The following TNNT3 variants were observed in gnomAD, a reference collection of about 807,000 sequenced individuals.
The protein encoded by TNNT3 is troponin T3, fast skeletal type.
In TNNT3, 36 loss-of-function variants were observed where a neutral mutation model predicts 54.2. The observed-to-expected ratio is 0.66, with a 90% CI of 0.51 to 0.88. The LOEUF is 0.88. Among genes scored for constraint, TNNT3 ranks in the 40% least tolerant of loss-of-function variants. TNNT3 has a pLI of 0.00. For synonymous variants in TNNT3, 120 were observed against 109.7 expected, an observed-to-expected ratio of 1.09 and a Z score of -0.59; for missense variants, 291 against 331.6, an observed-to-expected ratio of 0.88 and a Z score of 0.95.
At chr11:1,938,221 C>T (rs1382296073) in intron 15 of TNNT3, 8 of 601,498 alleles carry the variant, frequency 1.3e-5, no homozygotes, top group South Asian at 9.5e-5. Context: ...CCCGGGCTCA[C>T]GTGCCAGCCC....
chr11:1,920,742 C>G (rs901433676), intron 1 of TNNT3, among the ~76,000 whole-genome samples: 1 of 152,162 alleles, frequency 6.6e-6, no homozygotes, highest in African/African-American at 2.4e-5. Context: ...TTTCACGCAG[C>G]CCCTCCAAGG....
intron 6 of TNNT3, chr11:1,927,823 A>C (rs1852054889): frequency 6.6e-6 from 1 of 152,324 alleles, no homozygotes; most frequent in Non-Finnish European, 1.5e-5. Flanking sequence ...CAGCAAAACC[A>C]CTAAGTCAGG....
At chr11:1,929,293 G>C in intron 7 of TNNT3, 150 bp downstream of exon 7, 3 of 1,072,688 alleles carry the variant, frequency 2.8e-6, no homozygotes, top group South Asian at 1.3e-5. Context: ...GGAGGGCCAG[G>C]CCTTGCTGCT....
intron 4 of TNNT3, chr11:1,924,862 C>G: frequency 3.2e-6 from 2 of 627,190 alleles, no homozygotes; most frequent in South Asian, 3.7e-5. Context: ...TCTCAGGGGC[C>G]GGGCCCAGCC....
At chr11:1,928,973 G>A in intron 6 of TNNT3, 147 bp from the exon 7 acceptor site, 2 of 938,366 alleles carry the variant, frequency 2.1e-6, no homozygotes, top group South Asian at 1.3e-5. Flanking sequence ...GGCACTTGTA[G>A]GGCCCCGCAG....
chr11:1,926,588 T>TCGCTCCGCCGCCTCGGCCCTGCC (rs1851662817), intron 5 of TNNT3, 107 bp from the exon 6 acceptor site: 4 of 1,608,434 alleles, frequency 2.5e-6, no homozygotes, highest in African/African-American at 1.3e-5. Context: ...CCTGGCCTGC[T>TCGCTCCGCCGCCTCGGCCCTGCC]CGCTCCGCCG....
chr11:1,938,196 A>T (rs1855711794), intron 15 of TNNT3: 1 of 571,264 alleles, frequency 1.8e-6, no homozygotes, highest in Non-Finnish European at 3.2e-6. Context: ...AGAAAGGAGG[A>T]CAGAGGGAGG....
At chr11:1,933,057 TCATC>T (rs931254370) in intron 9 of TNNT3, among the ~76,000 whole-genome samples, 2 of 147,882 alleles carry the variant, frequency 1.4e-5, no homozygotes, top group Admixed American at 6.7e-5. Context: ...ATTCATCTAC[TCATC>T]CATCCATCGA....
Position 1,922,865 on chromosome 11 carries a change from C to T in TNNT3, c.-10C>T. Reference sequence around the variant, plus strand: ...TGAATCTCTCTCTGCAGAAACCACCCACCTTCACCATGTCTGACGAGGAAG... The same window carrying T: ...TGAATCTCTCTCTGCAGAAACCACCTACCTTCACCATGTCTGACGAGGAAG... On this transcript the variant is annotated 5_prime_UTR_variant, in exon 2 of 16. Coordinates refer to ENST00000278317, the MANE Select transcript of TNNT3 (RefSeq NM_006757.4). 1.2e-6 allele frequency: 2 copies of T among 1,613,306 alleles called. No homozygotes were observed. Among genetic ancestry groups the T allele is most frequent in the South Asian group, 1.1e-5 (1 of 91,082 alleles).
chr11:1,938,172 G>T, intron 15 of TNNT3: 1 of 536,814 alleles, frequency 1.9e-6, no homozygotes, highest in Non-Finnish European at 3.4e-6. Context: ...TGTCTGCAGT[G>T]GTACCTCAGG....
At chr11:1,923,647 C>T (rs1850713892) in intron 4 of TNNT3, 75 bp downstream of exon 4, 2 of 1,090,768 alleles carry the variant, frequency 1.8e-6, no homozygotes, top group South Asian at 1.2e-5. Context: ...GTGGCGCTCA[C>T]AGAACCCCCT....
At chr11:1,926,112 C>T (rs1017195038) in intron 5 of TNNT3, among the ~76,000 whole-genome samples, 7 of 152,152 alleles carry the variant, frequency 4.6e-5, no homozygotes, top group Non-Finnish European at 7.4e-5. Context: ...GCCAGAGGCG[C>T]GGACACCCTT....
At position 1,933,837 on chromosome 11, in the gene TNNT3, C is replaced by G. The variant is rs200050378; in HGVS notation, c.288C>G (p.Ile96Met). ...EEELVALKER[I>M]EKRRAERAEQ... The stretch of plus-strand genomic sequence containing the variant: ...AGCTGGTCGCTCTCAAAGAGAGAAT[C>G]GTGAGTGGGGCAGTTCAGGTTGCAG... Residue 96 changes from isoleucine (I) to methionine (M), a missense_variant and splice_region_variant, in exon 10 of 16, where the codon ATC becomes ATG. Physicochemically the swap from Ile to Met is conservative, Grantham distance 10. Coordinates refer to ENST00000278317, the MANE Select transcript of TNNT3 (RefSeq NM_006757.4). 32 of 1,612,468 alleles carry G rather than the reference C, an allele frequency of 2.0e-5. No individual in the cohort carries two copies.
chr11:1,934,721 C>T, intron 13 of TNNT3, 66 bp downstream of exon 13: 2 of 1,599,082 alleles, frequency 1.3e-6, no homozygotes, highest in Non-Finnish European at 1.7e-6. Flanking sequence ...CCGACTGCTC[C>T]TCAGGCTGCC....
rs193178655 is a variant in TNNT3, at chr11:1,933,793, C to A, written c.244C>A (p.Arg82=). 6.2e-7 allele frequency: 1 copy of A among 1,612,854 alleles called. No individual in the cohort carries two copies. Among genetic ancestry groups the A allele is most frequent in the Admixed American group, 1.7e-5 (1 of 60,012 alleles). Residue 82 remains arginine (R), a synonymous_variant, in exon 10 of 16, where the codon CGG becomes AGG. Transcript: ENST00000278317. The part of the protein sequence containing the change: ...QALIDSHFEA[R]KKEEEELVAL... ...CCTCATCGACAGCCACTTTGAAGCC[C>A]GGAAGAAGGAGGAGGAGGAGCTGGT...
At chr11:1,930,336 G>C (rs1297860459) in intron 8 of TNNT3, among the ~76,000 whole-genome samples, 1 of 152,136 alleles carries the variant, frequency 6.6e-6, no homozygotes, top group Non-Finnish European at 1.5e-5. Context: ...ATTGAAAAGC[G>C]ACAGGAAAGT....
At position 1,920,395 on chromosome 11, in the gene TNNT3, G is replaced by A. The variant is rs551666996; in HGVS notation, c.-19+633G>A. Among the ~76,000 whole-genome samples, 5 of 152,284 alleles carry A rather than the reference G, an allele frequency of 3.3e-5. No individual in the cohort carries two copies. The South Asian group carries it at 6.2e-4, about 19-fold the overall frequency. On this transcript the variant is annotated intron_variant, in intron 1 of 15. Transcript: ENST00000278317. ...GACAGGGGCTGGACTGGGGCAGGAC[G>A]GGGCAAGAGTGAGGGGCTGGGCTTC...
chr11:1,932,508 C>T lies in TNNT3; in HGVS notation c.165C>T (p.Asp55=). The T allele has an allele frequency of 6.2e-7, 1 of 1,613,840 alleles. No homozygotes were observed. The highest frequency in any genetic ancestry group is 8.5e-7 in the Non-Finnish European group (1 of 1,179,934). ...APKIPEGEKV[D]FDDIQKKRQN... ...AGATCCCAGAAGGGGAGAAAGTGGACTTCGATGTAAGTTTACAGGACTCTG... is the reference window on the plus strand; with the variant it reads ...AGATCCCAGAAGGGGAGAAAGTGGATTTCGATGTAAGTTTACAGGACTCTG... The change falls in exon 9 of 16, where the codon GAC becomes GAT. Residue 55 remains aspartate (D), a synonymous_variant. Transcript: ENST00000278317.
At chr11:1,928,948 C>A in intron 6 of TNNT3, 172 bp from the exon 7 acceptor site, 1 of 730,914 alleles carries the variant, frequency 1.4e-6, no homozygotes. Context: ...CATTGATTCA[C>A]CGGCCCCAGC....
Sources: allele counts gnomAD v4.1 joint callset (sites outside exome capture counted in the v4.1 genomes callset), GRCh38; gene constraint gnomAD v4.1.1; transcripts MANE v1.5; gene names NCBI Gene and HGNC (gene_info 2026-07-23, HGNC 2026-07-21).